Variants in ARHGAP27 observed in about 807,000 individuals in gnomAD.
ARHGAP27 encodes rho GTPase-activating protein 27.
Under a neutral mutation model 102.0 loss-of-function variants are expected in ARHGAP27, and 53 were observed. The observed-to-expected ratio is 0.52, with a 90% CI of 0.42 to 0.65. The LOEUF is 0.65. Ranked by LOEUF, ARHGAP27 falls within the 30% of genes least tolerant of loss-of-function variation. ARHGAP27 has a pLI of 0.00. For synonymous variants in ARHGAP27, 525 were observed against 542.8 expected (o/e 0.97, Z 0.46); for missense variants, 1,117 against 1,256.2 (o/e 0.89, Z 1.68).
At chr17:45,416,883 G>A (rs1195881602) in intron 4 of ARHGAP27, among the ~76,000 whole-genome samples, 2 of 149,260 alleles carry the variant, frequency 1.3e-5, no homozygotes, top group Non-Finnish European at 3.0e-5. Flanking sequence ...GGCCGGGCGC[G>A]GTGGCTCATG....
intron 15 of ARHGAP27, 27 bp from the exon 16 acceptor site, chr17:45,396,612 C>T (rs1406942707): frequency 1.9e-6 from 3 of 1,610,474 alleles, no homozygotes; most frequent in Non-Finnish European, 2.5e-6. Flanking sequence ...TCAGCTCCTG[C>T]CCAGCCTGCG....
chr17:45,429,584 G>C (rs537174648), intron 4 of ARHGAP27, 39 bp downstream of exon 4: 71 of 1,576,352 alleles, frequency 4.5e-5, no homozygotes, highest in Non-Finnish European at 5.9e-5. Flanking sequence ...GGTCCCTAGC[G>C]CGCCACCCGC....
At position 45,430,055 on chromosome 17, in the gene ARHGAP27, G is replaced by C; in HGVS notation, c.225C>G (p.Ala75=). 1 of 1,276,832 alleles carries C rather than the reference G, an allele frequency of 7.8e-7. No homozygotes were observed. The highest frequency in any genetic ancestry group is 9.9e-7 in the Non-Finnish European group (1 of 1,014,784). 79.1% of individuals were successfully genotyped at this position (1,276,832 alleles called of 1,614,324 possible). ...RELPALGNPA[A]AAPPGPHPSP... ...TCGGGTGGGGACCTGGCGGCGCGGC[G>C]GCGGCAGGGTTGCCCAGCGCGGGCA... The change falls in exon 4 of 20, where the codon GCC becomes GCG. Residue 75 remains alanine, a synonymous_variant. Transcript: ENST00000685559. The surrounding 1 kb of genome is among the most constrained non-coding windows in gnomAD (Gnocchi z 4.4).
chr17:45,395,399 C>A lies in ARHGAP27; in HGVS notation c.*57G>T. ...AGAAGAAGGCCCGGCTGCGTGGCCT[C>A]CGCCGCCCAGCTTGTGTGGCAGGAC... On this transcript the variant is annotated 3_prime_UTR_variant, in exon 20 of 20. Coordinates refer to ENST00000685559, the MANE Select transcript of ARHGAP27 (RefSeq NM_001282290.2). The A allele has an allele frequency of 6.6e-7, 1 of 1,510,984 alleles. No homozygotes were observed. Among genetic ancestry groups the A allele is most frequent in the African/African-American group, 1.4e-5 (1 of 72,342 alleles). 93.6% of individuals were successfully genotyped at this position (1,510,984 alleles called of 1,614,324 possible). A position where few individuals can be genotyped will look rare whatever the true frequency, so the allele number is the denominator to read the frequency against.
In ARHGAP27 at chr17:45,406,055, G is replaced by C. The variant is rs1049222325; in HGVS notation, c.686C>G (p.Ala229Gly). 1 of 1,527,584 alleles carries C rather than the reference G, an allele frequency of 6.5e-7. No individual in the cohort carries two copies. The highest frequency in any genetic ancestry group is 2.0e-5 in the Admixed American group (1 of 50,494). The allele number at this position is 1,527,584 out of a possible 1,614,324, so 94.6% of individuals were successfully genotyped here. ...GGCCCGGGGCTGCCTCTCTATGTTC[G>C]CGTACACGGGCTCCGGTGGGTCGTC... Reference protein sequence around the residue: ...QVDDPPEPVYANIERQPRATS... With the variant: ...QVDDPPEPVYGNIERQPRATS... Residue 229 changes from alanine (A) to glycine (G), a missense_variant, in exon 5 of 20, where the codon GCG becomes GGG. Physicochemically the swap from Ala to Gly is moderately conservative, Grantham distance 60. Coordinates refer to ENST00000685559, the MANE Select transcript of ARHGAP27 (RefSeq NM_001282290.2).
chr17:45,412,523 G>A (rs144466856), intron 4 of ARHGAP27, among the ~76,000 whole-genome samples: 3 of 152,322 alleles, frequency 2.0e-5, no homozygotes, highest in Non-Finnish European at 4.4e-5. Context: ...CCAGGACTTG[G>A]CCCAGGAACT....
At position 45,395,360 on chromosome 17, in the gene ARHGAP27, G is replaced by A. The variant is rs2045464593; in HGVS notation, c.*96C>T. On this transcript the variant is annotated 3_prime_UTR_variant, in exon 20 of 20. Transcript: ENST00000685559. The stretch of plus-strand genomic sequence containing the variant: ...CACCGGCCTGCGGCTATGCGCTGGC[G>A]GAGGGTCCCAGAGAGAAGAAGGCCC... 4 of 1,406,682 alleles carry A rather than the reference G, an allele frequency of 2.8e-6. No individual in the cohort carries two copies. The highest frequency in any genetic ancestry group is 5.1e-5 in the Admixed American group (2 of 39,550). The allele number at this position is 1,406,682 out of a possible 1,614,324, so 87.1% of individuals were successfully genotyped here. A position where few individuals can be genotyped will look rare whatever the true frequency, so the allele number is the denominator to read the frequency against.
intron 4 of ARHGAP27, chr17:45,425,696 G>A (rs1182228343): frequency 5.2e-6 from 5 of 963,892 alleles, no homozygotes; most frequent in African/African-American, 1.8e-5. Context: ...CCCTCCCAGC[G>A]GCCAATGCCC....
intron 12 of ARHGAP27, among the ~76,000 whole-genome samples, chr17:45,398,859 G>A (rs1386362206): frequency 2.0e-5 from 3 of 152,150 alleles, no homozygotes; most frequent in Non-Finnish European, 2.9e-5. Context: ...GGGAAAGAAA[G>A]GTCTCCCCTT....
intron 4 of ARHGAP27, chr17:45,410,470 G>T: frequency 7.8e-6 from 10 of 1,280,318 alleles, no homozygotes; most frequent in Non-Finnish European, 6.0e-6. Context: ...GTTGGGGCGG[G>T]TGGGGTGGAG....
intron 12 of ARHGAP27, 123 bp downstream of exon 12, chr17:45,402,591 A>C (rs2046572103): frequency 4.8e-6 from 4 of 831,782 alleles, no homozygotes; most frequent in Non-Finnish European, 7.7e-6. Context: ...AGCTGCACTC[A>C]GTGTTGGCTC....
At chr17:45,417,092 GT>G (rs1836587945) in intron 4 of ARHGAP27, among the ~76,000 whole-genome samples, 1 of 151,122 alleles carries the variant, frequency 6.6e-6, no homozygotes, top group Admixed American at 6.6e-5. Flanking sequence ...GGAGGCGGAG[GT>G]TGTGGTGAGC....
chr17:45,404,812 G>A, intron 6 of ARHGAP27, 112 bp downstream of exon 6: 1 of 1,542,818 alleles, frequency 6.5e-7, no homozygotes, highest in Non-Finnish European at 8.9e-7. Context: ...TGTTTGGCTG[G>A]TTTAGGCTCT....
In ARHGAP27 at chr17:45,396,659, C is replaced by A; in HGVS notation, c.2074+9G>T. 1.2e-6 allele frequency: 2 copies of A among 1,613,518 alleles called. No individual in the cohort carries two copies. The highest frequency in any genetic ancestry group is 2.2e-5 in the East Asian group (1 of 44,870). On this transcript the variant is annotated intron_variant, in intron 15 of 19. Coordinates refer to ENST00000685559, the MANE Select transcript of ARHGAP27 (RefSeq NM_001282290.2). ...TCCCGGGTCCCCGCCCCCCGCAGGC[C>A]TCGGGTACCTTTGATGTAGCCCTTC...
intron 4 of ARHGAP27, among the ~76,000 whole-genome samples, chr17:45,411,434 A>T (rs1157001604): frequency 6.7e-6 from 1 of 149,270 alleles, no homozygotes; most frequent in Non-Finnish European, 1.5e-5. Context: ...TCTGGCCCCC[A>T]CCCTGGATCT....
chr17:45,410,785 C>A (rs2047827177), intron 4 of ARHGAP27, among the ~76,000 whole-genome samples: 1 of 151,788 alleles, frequency 6.6e-6, no homozygotes, highest in Admixed American at 6.6e-5. Context: ...TTGTCCACTC[C>A]CTCTAGGCCC....
chr17:45,403,609 C>G lies in ARHGAP27; in HGVS notation c.1638+10G>C. 6.2e-7 allele frequency: 1 copy of G among 1,609,704 alleles called. No individual in the cohort carries two copies. The highest frequency in any genetic ancestry group is 8.5e-7 in the Non-Finnish European group (1 of 1,177,144). On this transcript the variant is annotated intron_variant, in intron 11 of 19. Transcript: ENST00000685559. ...ATGGGATGGTCCCTGCCCTGAGGGC[C>G]TGGCCTTACCAGGCCGCCTGCAGCC... is the stretch of plus-strand genomic sequence containing the variant.
chr17:45,410,162 G>A, intron 4 of ARHGAP27: 1 of 1,502,718 alleles, frequency 6.7e-7, no homozygotes, highest in Non-Finnish European at 8.9e-7. Context: ...CTAAGCCCCA[G>A]CTCACCCAGC....
intron 4 of ARHGAP27, 49 bp downstream of exon 4, chr17:45,429,574 G>C (rs200604399): frequency 3.2e-6 from 5 of 1,575,384 alleles, no homozygotes; most frequent in Non-Finnish European, 3.4e-6. Flanking sequence ...GTGCGGGCGC[G>C]GTCCCTAGCG....
Sources: allele counts gnomAD v4.1 joint callset (sites outside exome capture counted in the v4.1 genomes callset), GRCh38; gene constraint gnomAD v4.1.1; non-coding constraint Gnocchi (gnomAD v3.1); transcripts MANE v1.5; gene names NCBI Gene and HGNC (gene_info 2026-07-23, HGNC 2026-07-21).